The following TENM2 variants were observed in gnomAD, a reference collection of about 807,000 sequenced individuals.
The protein encoded by TENM2 is teneurin transmembrane protein 2, also known as teneurin-2.
In TENM2, 52 loss-of-function variants were observed where a neutral mutation model predicts 245.2. That is an observed-to-expected ratio of 0.21 (90% CI 0.17 to 0.27). The LOEUF (loss-of-function observed/expected upper bound fraction) is 0.27. Among genes scored for constraint, TENM2 ranks in the 10% least tolerant of loss-of-function variants. The pLI, the probability that TENM2 is intolerant of heterozygous loss-of-function variation, is 1.00. For missense variants in TENM2, 3,046 were observed against 3,666.8 expected (o/e 0.83, Z 4.37); for synonymous variants, 1,363 against 1,438.9 (o/e 0.95, Z 1.19).
intron 1 of TENM2, among the ~76,000 whole-genome samples, chr5:167,308,896 G>A (rs779869005): frequency 6.6e-6 from 1 of 152,098 alleles, no homozygotes. Context: ...AACCATTTTG[G>A]GGGTGAAGGT....
At chr5:167,196,496 ATGTGTATATATATG>A in the TENM2 span, among the ~76,000 whole-genome samples, 2 of 131,374 alleles carry the variant, frequency 1.5e-5, no homozygotes, top group African/African-American at 4.3e-5. Flanking sequence ...GTATATATAT[ATGTGTATATATATG>A]TGTGTGTATA....
intron 4 of TENM2, among the ~76,000 whole-genome samples, chr5:167,957,032 G>T (rs1372439328): frequency 6.6e-6 from 1 of 152,094 alleles, no homozygotes; most frequent in Non-Finnish European, 1.5e-5. Flanking sequence ...GTTTGGAATA[G>T]TTTCAGAAGG....
chr5:167,349,539 G>A (rs185855484), intron 1 of TENM2, among the ~76,000 whole-genome samples: 3 of 152,162 alleles, frequency 2.0e-5, no homozygotes, highest in East Asian at 1.9e-4. Context: ...TTGTGTGCAT[G>A]TATATATAGA....
chr5:167,447,182 C>T (rs192047932), intron 2 of TENM2, among the ~76,000 whole-genome samples: 1 of 152,250 alleles, frequency 6.6e-6, no homozygotes, highest in African/African-American at 2.4e-5. Flanking sequence ...CTCAGAGCCT[C>T]CCTCAGCCTC....
chr5:167,030,676 G>C, the TENM2 span, among the ~76,000 whole-genome samples: 1 of 152,048 alleles, frequency 6.6e-6, no homozygotes, highest in Non-Finnish European at 1.5e-5. Context: ...CCTCGCTTCT[G>C]TCCCTGTAGT....
At chr5:168,203,190 C>T (rs1762072201) in intron 17 of TENM2, among the ~76,000 whole-genome samples, 1 of 152,234 alleles carries the variant, frequency 6.6e-6, no homozygotes, top group Non-Finnish European at 1.5e-5. Flanking sequence ...AGTGAACACA[C>T]CAAGTGTCTT....
intron 2 of TENM2, among the ~76,000 whole-genome samples, chr5:167,693,312 T>C (rs1198009358): frequency 2.0e-5 from 3 of 152,120 alleles, no homozygotes; most frequent in Non-Finnish European, 4.4e-5. Context: ...TCATGGAAAA[T>C]TGAGGATAAT....
chr5:167,466,946 C>T (rs367722830), intron 2 of TENM2, among the ~76,000 whole-genome samples: 16 of 152,134 alleles, frequency 1.1e-4, no homozygotes, highest in East Asian at 3.9e-4. Flanking sequence ...ATATGTCATA[C>T]ACTATAATCA....
the TENM2 span, among the ~76,000 whole-genome samples, chr5:167,134,728 G>A: frequency 6.6e-6 from 1 of 152,142 alleles, no homozygotes; most frequent in Non-Finnish European, 1.5e-5. Flanking sequence ...GTTGGACAGA[G>A]CCATTACCAG....
At chr5:167,682,166 C>CT in intron 2 of TENM2, among the ~76,000 whole-genome samples, 7 of 142,858 alleles carry the variant, frequency 4.9e-5, no homozygotes, top group African/African-American at 1.5e-4. Context: ...TCCTTCCTTC[C>CT]TCCCTTCCTT....
At chr5:167,290,513 A>G (rs1754572563) in intron 1 of TENM2, among the ~76,000 whole-genome samples, 1 of 152,162 alleles carries the variant, frequency 6.6e-6, no homozygotes, top group South Asian at 2.1e-4. Context: ...CTTTGGTGCA[A>G]CAGAAATTTT....
At chr5:167,854,826 T>A (rs563952292) in intron 2 of TENM2, among the ~76,000 whole-genome samples, 3 of 152,294 alleles carry the variant, frequency 2.0e-5, no homozygotes, top group Admixed American at 2.0e-4. Flanking sequence ...GTCAAACATA[T>A]TGCCATTACC....
the TENM2 span, among the ~76,000 whole-genome samples, chr5:167,184,739 T>C: frequency 6.6e-6 from 1 of 152,212 alleles, no homozygotes; most frequent in Non-Finnish European, 1.5e-5. Context: ...TACACTGATC[T>C]ACTTTGCAGT....
At position 167,598,775 on chromosome 5, in the gene TENM2, T is replaced by A. The variant is rs553862760; in HGVS notation, c.502+223302T>A. On this transcript the variant is annotated intron_variant, in intron 2 of 28. Transcript: ENST00000518659. ...GTTTTTTTTTTAATGTCGGAGGCAA[T>A]GAGTAATAATGTAAATGTTGGCAGT... Among the ~76,000 whole-genome samples, 359 of 151,958 alleles carry A rather than the reference T, an allele frequency of 2.4e-3. 2 individuals are homozygous for A. Among genetic ancestry groups the A allele is most frequent in the Non-Finnish European group, 3.7e-3 (250 of 67,980 alleles).
At chr5:167,525,015 G>T (rs2127586490) in intron 2 of TENM2, among the ~76,000 whole-genome samples, 1 of 152,112 alleles carries the variant, frequency 6.6e-6, no homozygotes, top group African/African-American at 2.4e-5. Flanking sequence ...CCAACCTGGT[G>T]CTGTTAACAA....
At chr5:167,894,069 A>T (rs1774979132) in intron 3 of TENM2, among the ~76,000 whole-genome samples, 1 of 152,210 alleles carries the variant, frequency 6.6e-6, no homozygotes, top group Admixed American at 6.5e-5. Context: ...CCTCTTTCAC[A>T]GTTCAAGAAG....
chr5:167,319,846 A>G (rs1756604956), intron 1 of TENM2, among the ~76,000 whole-genome samples: 1 of 152,242 alleles, frequency 6.6e-6, no homozygotes, highest in African/African-American at 2.4e-5. Flanking sequence ...GGGACCAGTT[A>G]GTATGTATGA....
At chr5:168,217,007 G>T in intron 22 of TENM2, 85 bp downstream of exon 24, 1 of 1,477,618 alleles carries the variant, frequency 6.8e-7, no homozygotes, top group Non-Finnish European at 9.3e-7. Context: ...TGGTTTGGAA[G>T]TGGAATGGGA....
intron 2 of TENM2, among the ~76,000 whole-genome samples, chr5:167,807,054 C>T (rs1247539689): frequency 7.5e-6 from 1 of 132,602 alleles, no homozygotes; most frequent in Non-Finnish European, 1.5e-5. Flanking sequence ...CAAGCTAATA[C>T]TGCATGGTCC....
Sources: allele counts gnomAD v4.1 joint callset (sites outside exome capture counted in the v4.1 genomes callset), GRCh38; gene constraint gnomAD v4.1.1; transcripts MANE v1.5; gene names NCBI Gene and HGNC (gene_info 2026-07-23, HGNC 2026-07-21).